The following LRRTM4 variants were observed in gnomAD, a reference collection of about 807,000 sequenced individuals.
LRRTM4 encodes leucine-rich repeat transmembrane neuronal protein 4.
A neutral mutation model predicts 47.6 loss-of-function variants in LRRTM4; 25 were observed. That is an observed-to-expected ratio of 0.53 (90% CI 0.38 to 0.73). LRRTM4 has a LOEUF of 0.73. Among genes scored for constraint, LRRTM4 ranks in the 30% least tolerant of loss-of-function variants. The pLI, the probability that LRRTM4 is intolerant of heterozygous loss-of-function variation, is 0.00. For missense variants in LRRTM4, 638 were observed against 713.4 expected, an observed-to-expected ratio of 0.89 and a Z score of 1.20; for synonymous variants, 311 against 269.5, an observed-to-expected ratio of 1.15 and a Z score of -1.51.
At chr2:76,907,742 G>C (rs1251943) in intron 3 of LRRTM4, among the ~76,000 whole-genome samples, 7,201 of 121,976 alleles carry the variant, frequency 0.059, 440 homozygotes, top group Middle Eastern at 0.16. Context: ...AGAAAATCTA[G>C]AAGAAATGGA....
chr2:76,998,958 C>T lies in LRRTM4; in HGVS notation c.1552-250042G>A, dbSNP rs144392815. ...CTCAACAGTATAAGAACTGTAACTA[C>T]TCGCCCTAACATGTGTTTCTTTCTA... On this transcript the variant is annotated intron_variant, in intron 3 of 3. Coordinates refer to ENST00000409884, the MANE Select transcript of LRRTM4 (RefSeq NM_001134745.3). 1.6e-3 allele frequency among the ~76,000 whole-genome samples: 246 copies of T among 151,648 alleles called. 1 individual carries two copies. Among genetic ancestry groups the T allele is most frequent in the Middle Eastern group, 0.01 (3 of 294 alleles).
intron 3 of LRRTM4, among the ~76,000 whole-genome samples, chr2:76,814,175 C>T (rs1043428307): frequency 1.3e-5 from 2 of 151,958 alleles, no homozygotes; most frequent in South Asian, 2.1e-4. Context: ...CATTTTCATC[C>T]AATCTATTTA....
chr2:77,424,185 G>A (rs1388166040), intron 3 of LRRTM4, among the ~76,000 whole-genome samples: 1 of 152,112 alleles, frequency 6.6e-6, no homozygotes, highest in Non-Finnish European at 1.5e-5. Flanking sequence ...CAACCTCTTA[G>A]CAATCATGCA....
At chr2:76,924,186 C>T (rs1056784116) in intron 3 of LRRTM4, among the ~76,000 whole-genome samples, 4 of 152,056 alleles carry the variant, frequency 2.6e-5, no homozygotes, top group African/African-American at 9.7e-5. Context: ...TTCAGAAATT[C>T]ACTTATCCTA....
chr2:77,299,342 C>CGTATATATATGTATATATGTGT (rs1677064744), intron 3 of LRRTM4, among the ~76,000 whole-genome samples: 6 of 147,888 alleles, frequency 4.1e-5, no homozygotes, highest in Non-Finnish European at 8.9e-5. Context: ...TATGTATATA[C>CGTATATATATGTATATATGTGT]GTATATATAT....
intron 3 of LRRTM4, among the ~76,000 whole-genome samples, chr2:77,469,160 C>T (rs1376697388): frequency 6.6e-6 from 1 of 151,950 alleles, no homozygotes; most frequent in Admixed American, 6.6e-5. Flanking sequence ...CTTATTTCTG[C>T]CTAAGCATTT....
intron 3 of LRRTM4, among the ~76,000 whole-genome samples, chr2:77,026,104 A>G (rs1678443504): frequency 1.3e-5 from 2 of 152,184 alleles, no homozygotes; most frequent in South Asian, 4.1e-4. Context: ...TGGGTAAGTA[A>G]TTTTACTAGG....
At chr2:77,060,072 AAG>A (rs1273074654) in intron 3 of LRRTM4, among the ~76,000 whole-genome samples, 1 of 152,218 alleles carries the variant, frequency 6.6e-6, no homozygotes, top group African/African-American at 2.4e-5. Flanking sequence ...CCCACGAACT[AAG>A]AGTGTTTTTC....
At chr2:76,961,697 G>A (rs1443049229) in intron 3 of LRRTM4, among the ~76,000 whole-genome samples, 1 of 151,152 alleles carries the variant, frequency 6.6e-6, no homozygotes, top group Non-Finnish European at 1.5e-5. Context: ...ATTCCTGATC[G>A]TCAGCTTTTG....
chr2:77,424,804 T>A (rs1675043160), intron 3 of LRRTM4, among the ~76,000 whole-genome samples: 1 of 152,174 alleles, frequency 6.6e-6, no homozygotes, highest in Admixed American at 6.5e-5. Flanking sequence ...ACACTCCTGG[T>A]GGAAGTTATA....
At chr2:76,973,349 C>G (rs904566240) in intron 3 of LRRTM4, among the ~76,000 whole-genome samples, 2 of 151,818 alleles carry the variant, frequency 1.3e-5, no homozygotes, top group African/African-American at 4.8e-5. Context: ...GATTGAATAG[C>G]TAACTTTTTG....
At chr2:76,816,288 C>A (rs1038731846) in intron 3 of LRRTM4, among the ~76,000 whole-genome samples, 3 of 152,064 alleles carry the variant, frequency 2.0e-5, no homozygotes, top group African/African-American at 7.2e-5. Flanking sequence ...ACTAAGGTCC[C>A]CTAGTGCCCA....
intron 3 of LRRTM4, among the ~76,000 whole-genome samples, chr2:77,159,128 G>T (rs187977782): frequency 6.6e-6 from 1 of 152,130 alleles, no homozygotes; most frequent in Non-Finnish European, 1.5e-5. Context: ...GTGGAATAAA[G>T]TATCTTATTT....
intron 3 of LRRTM4, among the ~76,000 whole-genome samples, chr2:77,130,574 G>C (rs934059433): frequency 3.3e-5 from 5 of 151,712 alleles, no homozygotes; most frequent in Admixed American, 3.3e-4. Context: ...TGCAGTGGCA[G>C]AATCTCGGCT....
chr2:76,925,059 T>A (rs1354103776), intron 3 of LRRTM4, among the ~76,000 whole-genome samples: 2 of 152,132 alleles, frequency 1.3e-5, no homozygotes, highest in East Asian at 3.9e-4. Flanking sequence ...GCCTCTCCCA[T>A]GATCATAATA....
chr2:77,338,813 A>G (rs1671259739), intron 3 of LRRTM4, among the ~76,000 whole-genome samples: 1 of 152,078 alleles, frequency 6.6e-6, no homozygotes, highest in Non-Finnish European at 1.5e-5. Context: ...TGTTTATTGC[A>G]GCACTATTCA....
At chr2:76,849,073 A>G (rs1015747903) in intron 3 of LRRTM4, among the ~76,000 whole-genome samples, 13 of 151,780 alleles carry the variant, frequency 8.6e-5, no homozygotes, top group African/African-American at 2.7e-4. Flanking sequence ...CTCTTCTTAT[A>G]TTAAGTGTCC....
chr2:76,835,083 T>C (rs936569351), intron 3 of LRRTM4, among the ~76,000 whole-genome samples: 1 of 152,112 alleles, frequency 6.6e-6, no homozygotes, highest in Non-Finnish European at 1.5e-5. Flanking sequence ...TTCTTTTGTT[T>C]CTAATTTATT....
intron 3 of LRRTM4, among the ~76,000 whole-genome samples, chr2:77,051,877 T>C (rs1353847500): frequency 6.6e-6 from 1 of 152,174 alleles, no homozygotes; most frequent in African/African-American, 2.4e-5. Context: ...AGCATCTATG[T>C]AAATCAGCCA....
Sources: allele counts gnomAD v4.1 joint callset (sites outside exome capture counted in the v4.1 genomes callset), GRCh38; gene constraint gnomAD v4.1.1; transcripts MANE v1.5; gene names NCBI Gene and HGNC (gene_info 2026-07-23, HGNC 2026-07-21).